NAALADL2: variants seen among roughly 807,000 people sequenced by gnomAD.
NAALADL2 encodes inactive N-acetylated-alpha-linked acidic dipeptidase-like protein 2.
NAALADL2 carries 76 observed loss-of-function variants against 87.2 expected under a neutral mutation model. The ratio of observed to expected loss-of-function variants is 0.87; its 90% CI spans 0.72 to 1.05. The LOEUF (loss-of-function observed/expected upper bound fraction) is 1.05. Ranked by LOEUF, NAALADL2 falls within the 50% of genes least tolerant of loss-of-function variation. NAALADL2 has a pLI of 0.00. For missense variants in NAALADL2, 1,089 were observed against 945.8 expected (o/e 1.15, Z -1.99); for synonymous variants, 354 against 331.0 (o/e 1.07, Z -0.75).
intron 1 of NAALADL2, among the ~76,000 whole-genome samples, chr3:174,957,901 A>G (rs1020322455): frequency 1.3e-5 from 2 of 152,138 alleles, no homozygotes; most frequent in Admixed American, 6.6e-5. Flanking sequence ...TCCTGCCTCA[A>G]CTTGCAAACT....
At chr3:175,591,416 G>A (rs1209593311) in intron 10 of NAALADL2, among the ~76,000 whole-genome samples, 1 of 151,930 alleles carries the variant, frequency 6.6e-6, no homozygotes, top group Non-Finnish European at 1.5e-5. Context: ...AAATGGAAAG[G>A]AACAAATGTG....
At chr3:174,489,679 CAGA>C (rs1718062336) in intron 1 of NAALADL2, among the ~76,000 whole-genome samples, 2 of 152,032 alleles carry the variant, frequency 1.3e-5, no homozygotes, top group South Asian at 2.1e-4. Flanking sequence ...AGACATTTCT[CAGA>C]AGAAGAAGAC....
intron 1 of NAALADL2, among the ~76,000 whole-genome samples, chr3:174,867,800 GAAT>G (rs1201598052): frequency 6.6e-6 from 1 of 151,782 alleles, no homozygotes; most frequent in African/African-American, 2.4e-5. Context: ...CTTTTTTCAA[GAAT>G]AATAATAGTT....
chr3:174,495,212 G>A (rs938273662), intron 1 of NAALADL2, among the ~76,000 whole-genome samples: 5 of 148,666 alleles, frequency 3.4e-5, no homozygotes, highest in Non-Finnish European at 5.9e-5. Context: ...AATAAATGAA[G>A]GATTCAGCAA....
chr3:175,625,822 T>C (rs540744508), intron 10 of NAALADL2, among the ~76,000 whole-genome samples: 12 of 152,114 alleles, frequency 7.9e-5, no homozygotes, highest in African/African-American at 2.9e-4. Context: ...GGTATGTCTG[T>C]TGATTAAACT....
intron 1 of NAALADL2, among the ~76,000 whole-genome samples, chr3:174,944,930 T>G (rs1739175267): frequency 6.6e-6 from 1 of 152,160 alleles, no homozygotes; most frequent in Admixed American, 6.5e-5. Context: ...TTGAGTTGTT[T>G]CCTTGATTAG....
chr3:175,150,988 T>C (rs1731462541), intron 2 of NAALADL2, among the ~76,000 whole-genome samples: 1 of 152,156 alleles, frequency 6.6e-6, no homozygotes, highest in Non-Finnish European at 1.5e-5. Context: ...CTGGGGGTTG[T>C]AGCTGAAGGA....
chr3:174,591,654 A>C (rs1378089279), intron 2 of NAALADL2, among the ~76,000 whole-genome samples: 1 of 152,208 alleles, frequency 6.6e-6, no homozygotes, highest in African/African-American at 2.4e-5. Context: ...TTTTGATACT[A>C]TCTAAAGACT....
intron 3 of NAALADL2, among the ~76,000 whole-genome samples, chr3:174,760,493 A>G (rs1712784873): frequency 1.3e-5 from 2 of 152,334 alleles, no homozygotes; most frequent in South Asian, 4.1e-4. Flanking sequence ...AGTCCAGACA[A>G]GTAAGCCCTA....
At chr3:175,221,785 A>T (rs561792732) in intron 2 of NAALADL2, among the ~76,000 whole-genome samples, 86 of 150,612 alleles carry the variant, frequency 5.7e-4, no homozygotes, top group South Asian at 5.2e-3. Context: ...TTATTTATTT[A>T]TTTTTTTGGA....
chr3:174,843,307 G>A (rs938468745), intron 3 of NAALADL2, among the ~76,000 whole-genome samples: 4 of 151,542 alleles, frequency 2.6e-5, no homozygotes, highest in African/African-American at 9.7e-5. Context: ...TTCCATAATA[G>A]CAACTTTTTT....
chr3:175,716,749 CA>C (rs1741356511), intron 11 of NAALADL2, among the ~76,000 whole-genome samples: 1 of 152,050 alleles, frequency 6.6e-6, no homozygotes, highest in Admixed American at 6.6e-5. Flanking sequence ...GTTTTAAGAG[CA>C]AAGTTATATG....
chr3:175,542,916 C>A (rs1712628309), intron 9 of NAALADL2, among the ~76,000 whole-genome samples: 1 of 152,140 alleles, frequency 6.6e-6, no homozygotes, highest in African/African-American at 2.4e-5. Context: ...GGGTAATAGA[C>A]TGGATAGAGG....
At chr3:175,068,683 G>C (rs74633316) in intron 1 of NAALADL2, among the ~76,000 whole-genome samples, 2,920 of 152,162 alleles carry the variant, frequency 0.019, 103 homozygotes, top group African/African-American at 0.067. Flanking sequence ...CTCTGGTAGT[G>C]AAAATGAAAA....
In NAALADL2 at chr3:174,741,609, T is replaced by C. The variant is rs529902676; in HGVS notation, c.-9+3863T>C. Among the ~76,000 whole-genome samples, 336 of 151,648 alleles carry C rather than the reference T, an allele frequency of 2.2e-3. 1 individual carries two copies. Among genetic ancestry groups the C allele is most frequent in the Non-Finnish European group, 3.6e-3 (245 of 67,564 alleles). ...TCTAAAGGTATAAAAGAAAAAACAA[T>C]ATTCATATAGTGAATAAAAAGCCAT... On this transcript the variant is annotated intron_variant, in intron 3 of 3. Transcript: ENST00000434257.
upstream of NAALADL2, among the ~76,000 whole-genome samples, chr3:174,856,363 ATTTG>A (rs1725866705): frequency 6.6e-6 from 1 of 152,076 alleles, no homozygotes; most frequent in East Asian, 1.9e-4. Context: ...CCTTTCCACA[ATTTG>A]TTATCAATGA....
intron 1 of NAALADL2, among the ~76,000 whole-genome samples, chr3:174,988,736 G>T (rs1746315488): frequency 6.6e-6 from 1 of 152,070 alleles, no homozygotes; most frequent in South Asian, 2.1e-4. Flanking sequence ...GTGTCCAAAT[G>T]TCCCCTCCTT....
chr3:175,146,598 C>T (rs1057395866), intron 2 of NAALADL2, among the ~76,000 whole-genome samples: 11 of 152,064 alleles, frequency 7.2e-5, no homozygotes, highest in African/African-American at 2.7e-4. Flanking sequence ...TAACAGTGTG[C>T]TGGACGAACT....
intron 1 of NAALADL2, among the ~76,000 whole-genome samples, chr3:175,018,867 A>G (rs934964888): frequency 1.4e-5 from 2 of 141,694 alleles, no homozygotes; most frequent in Admixed American, 6.7e-5. Flanking sequence ...TGTGACATAG[A>G]AAAAACAGCA....
Sources: gnomAD v4.1 joint callset for allele counts (sites outside exome capture counted in the v4.1 genomes callset) on GRCh38, gnomAD v4.1.1 for gene constraint, MANE v1.5 for transcripts, NCBI Gene and HGNC (gene_info 2026-07-23, HGNC 2026-07-21) for gene names.